The following IL12RB2 variants were observed in gnomAD, a reference collection of about 807,000 sequenced individuals.
The protein encoded by IL12RB2 is interleukin-12 receptor subunit beta-2.
In IL12RB2, 82 loss-of-function variants were observed where a neutral mutation model predicts 89.4. The observed-to-expected ratio is 0.92, with a 90% confidence interval of 0.77 to 1.10. The LOEUF (loss-of-function observed/expected upper bound fraction) is 1.10, where lower values mean the gene tolerates loss of function less well. IL12RB2 is among the 50% of genes least tolerant of loss of function. The pLI is 0.00. For synonymous variants in IL12RB2, 368 were observed against 370.1 expected (o/e 0.99, Z 0.07); for missense variants, 963 against 1,031.9 (o/e 0.93, Z 0.92).
intron 2 of IL12RB2, among the ~76,000 whole-genome samples, chr1:67,315,632 G>C (rs1655663736): frequency 6.6e-6 from 1 of 152,108 alleles, no homozygotes; most frequent in African/African-American, 2.4e-5. Context: ...AAATATTATG[G>C]GACATGGGAG....
chr1:67,321,192 G>T (rs1046774822), intron 3 of IL12RB2, among the ~76,000 whole-genome samples: 10 of 151,804 alleles, frequency 6.6e-5, no homozygotes, highest in Non-Finnish European at 1.2e-4. Context: ...AAGTATTTAA[G>T]TAAAAATTAT....
intron 13 of IL12RB2, among the ~76,000 whole-genome samples, chr1:67,376,221 C>A (rs910871596): frequency 6.6e-6 from 1 of 152,154 alleles, no homozygotes; most frequent in African/African-American, 2.4e-5. Context: ...AGTCTCTAAG[C>A]ATCTTAAGGG....
chr1:67,323,606 T>C (rs1656879441), intron 4 of IL12RB2, among the ~76,000 whole-genome samples: 2 of 152,166 alleles, frequency 1.3e-5, no homozygotes, highest in African/African-American at 4.8e-5. Flanking sequence ...CTACAAACTC[T>C]TTTCAACTTA....
chr1:67,308,418 T>C (rs929384619), intron 1 of IL12RB2, among the ~76,000 whole-genome samples: 4 of 152,138 alleles, frequency 2.6e-5, no homozygotes, highest in East Asian at 1.9e-4. Context: ...GAGTAAGATA[T>C]TGGGGGGGGC....
chr1:67,328,397 T>A lies in IL12RB2; in HGVS notation c.664+13T>A. ...TTCTTGGACATAGGTACATTTTATTTCACTGTTTCATTGGTACTTTATAAT... is the reference window on the plus strand; with the variant it reads ...TTCTTGGACATAGGTACATTTTATTACACTGTTTCATTGGTACTTTATAAT... On this transcript the variant is annotated intron_variant, in intron 6 of 16. Coordinates refer to ENST00000674203, the MANE Select transcript of IL12RB2 (RefSeq NM_001374259.2). The A allele has an allele frequency of 6.2e-7, 1 of 1,614,130 alleles. No homozygotes were observed. The highest frequency in any genetic ancestry group is 1.1e-5 in the South Asian group (1 of 91,066).
chr1:67,368,129 C>A (rs1662911703), intron 11 of IL12RB2, 104 bp downstream of exon 11: 2 of 761,328 alleles, frequency 2.6e-6, no homozygotes, highest in Non-Finnish European at 4.6e-6. Context: ...CAGGTGGCTA[C>A]ATGATGAGAG....
intron 13 of IL12RB2, among the ~76,000 whole-genome samples, chr1:67,375,993 C>A (rs1364113183): frequency 6.6e-6 from 1 of 151,916 alleles, no homozygotes. Context: ...ACTACAAGCA[C>A]CCGCCACCAA....
chr1:67,369,015 G>A (rs1275569194), intron 11 of IL12RB2, among the ~76,000 whole-genome samples: 2 of 152,090 alleles, frequency 1.3e-5, no homozygotes, highest in Non-Finnish European at 2.9e-5. Context: ...CACCTGTCTA[G>A]GAGGAAATAC....
chr1:67,317,303 G>A (rs1191372131), intron 2 of IL12RB2, among the ~76,000 whole-genome samples: 1 of 152,176 alleles, frequency 6.6e-6, no homozygotes, highest in African/African-American at 2.4e-5. Flanking sequence ...AGGGAGACCT[G>A]CAGATTTTGG....
At chr1:67,389,880 T>C (rs1392668069) in intron 15 of IL12RB2, 149 bp from the exon 16 acceptor site, 1 of 661,344 alleles carries the variant, frequency 1.5e-6, no homozygotes, top group Non-Finnish European at 2.8e-6. Flanking sequence ...ACCGTAGTCT[T>C]GGATGATAAA....
At chr1:67,339,724 G>A (rs963076511) in intron 9 of IL12RB2, among the ~76,000 whole-genome samples, 15 of 152,176 alleles carry the variant, frequency 9.9e-5, no homozygotes, top group South Asian at 8.3e-4. Context: ...ATGAGAAAAC[G>A]AATGAATGAG....
chr1:67,333,925 C>T (rs555352363), intron 8 of IL12RB2, among the ~76,000 whole-genome samples: 17 of 152,226 alleles, frequency 1.1e-4, no homozygotes, highest in South Asian at 2.1e-4. Context: ...TCTGTTAATC[C>T]GCCATTTTAA....
intron 8 of IL12RB2, among the ~76,000 whole-genome samples, chr1:67,338,336 C>CAAAAAAAAAAAAAAAAAA (rs572505092): frequency 2.2e-4 from 9 of 40,112 alleles, no homozygotes; most frequent in Admixed American, 3.5e-4. Context: ...GATCCTGTCT[C>CAAAAAAAAAAAAAAAAAA]AAAAAAAAAA....
chr1:67,375,817 T>C lies in IL12RB2; in HGVS notation c.1717+3034T>C, dbSNP rs377523848. 6.9e-4 allele frequency among the ~76,000 whole-genome samples: 105 copies of C among 151,950 alleles called. No homozygotes were observed. In the Middle Eastern group the frequency reaches 0.021, roughly 30 times the overall value. On this transcript the variant is annotated intron_variant, in intron 13 of 16. Transcript: ENST00000674203. ...ATTGCCATGTTGCCATGTGTACCAGTAGAGCCACGGCCAGCACATTTTTCT... is the reference window on the plus strand; with the variant it reads ...ATTGCCATGTTGCCATGTGTACCAGCAGAGCCACGGCCAGCACATTTTTCT...
At chr1:67,361,194 T>C (rs1030528992) in intron 10 of IL12RB2, among the ~76,000 whole-genome samples, 1 of 152,204 alleles carries the variant, frequency 6.6e-6, no homozygotes, top group East Asian at 1.9e-4. Flanking sequence ...GCCCATTTAC[T>C]GCATATGCTT....
chr1:67,341,870 C>T (rs918736316), intron 9 of IL12RB2, among the ~76,000 whole-genome samples: 1 of 152,208 alleles, frequency 6.6e-6, no homozygotes, highest in Non-Finnish European at 1.5e-5. Context: ...GACCACAGAA[C>T]CACAGAGTTA....
intron 9 of IL12RB2, among the ~76,000 whole-genome samples, chr1:67,344,282 ATTAATT>A (rs1206337198): frequency 1.3e-5 from 2 of 152,168 alleles, no homozygotes; most frequent in African/African-American, 4.8e-5. Flanking sequence ...AACAGGTGAA[ATTAATT>A]TTAATAATTT....
In IL12RB2 at chr1:67,364,728, A is replaced by G. The variant is rs547612671; in HGVS notation, c.1259-3097A>G. On this transcript the variant is annotated intron_variant, in intron 10 of 16. Coordinates refer to ENST00000674203, the MANE Select transcript of IL12RB2 (RefSeq NM_001374259.2). Reference sequence around the variant, plus strand: ...AGACCACTGTGTCAGAAATGGACAGATCCTGCAGACAGGACAAAGACTGCA... The same window carrying G: ...AGACCACTGTGTCAGAAATGGACAGGTCCTGCAGACAGGACAAAGACTGCA... Among the ~76,000 whole-genome samples, 157 of 152,372 alleles carry G rather than the reference A, an allele frequency of 1.0e-3. 1 individual carries two copies. Among genetic ancestry groups the G allele is most frequent in the Middle Eastern group, 0.01 (3 of 294 alleles).
At chr1:67,336,287 G>A (rs1204758919) in intron 8 of IL12RB2, among the ~76,000 whole-genome samples, 1 of 152,196 alleles carries the variant, frequency 6.6e-6, no homozygotes, top group Admixed American at 6.5e-5. Context: ...GTCCTCAGCT[G>A]TAAAGCAGAT....
Sources: gnomAD v4.1 joint callset for allele counts (sites outside exome capture counted in the v4.1 genomes callset) on GRCh38, gnomAD v4.1.1 for gene constraint, MANE v1.5 for transcripts, NCBI Gene and HGNC (gene_info 2026-07-23, HGNC 2026-07-21) for gene names.